KIAA1217: variants seen among roughly 807,000 people sequenced by gnomAD.
KIAA1217 encodes sickle tail protein homolog.
Under a neutral mutation model 163.9 loss-of-function variants are expected in KIAA1217, and 88 were observed. The ratio of observed to expected loss-of-function variants is 0.54; its 90% CI spans 0.45 to 0.64. The LOEUF is 0.64. Ranked by LOEUF, KIAA1217 falls within the 30% of genes least tolerant of loss-of-function variation. The pLI is 0.00. For missense variants in KIAA1217, 2,372 were observed against 2,475.0 expected (o/e 0.96, Z 0.88); for synonymous variants, 903 against 923.1 (o/e 0.98, Z 0.39).
chr10:24,017,328 G>A (rs1220753216), intron 2 of KIAA1217, among the ~76,000 whole-genome samples: 1 of 151,980 alleles, frequency 6.6e-6, no homozygotes, highest in East Asian at 1.9e-4. Flanking sequence ...CCAAAGTGCT[G>A]GGATTGCAGG....
intron 11 of KIAA1217, among the ~76,000 whole-genome samples, chr10:24,520,673 T>C (rs866627218): frequency 0.22 from 18,024 of 80,970 alleles, 2,254 homozygotes; most frequent in Middle Eastern, 0.3. Flanking sequence ...TATATATATA[T>C]ATACACACAC....
At chr10:24,342,435 T>C (rs2047205307) in intron 2 of KIAA1217, among the ~76,000 whole-genome samples, 1 of 152,192 alleles carries the variant, frequency 6.6e-6, no homozygotes, top group African/African-American at 2.4e-5. Context: ...AGCTTCTACC[T>C]TCAATTCTCA....
At chr10:24,308,977 G>A (rs2042309685) in intron 2 of KIAA1217, among the ~76,000 whole-genome samples, 2 of 151,990 alleles carry the variant, frequency 1.3e-5, no homozygotes, top group Admixed American at 1.3e-4. Flanking sequence ...TCAAAAATTA[G>A]CTAGGCATGG....
At chr10:23,855,916 A>T (rs979329029) in intron 1 of KIAA1217, among the ~76,000 whole-genome samples, 6 of 151,858 alleles carry the variant, frequency 4.0e-5, no homozygotes, top group African/African-American at 1.5e-4. Flanking sequence ...ATTTGTCTAA[A>T]TTTTTTTCAA....
chr10:23,909,395 A>G (rs1842329956), intron 1 of KIAA1217, among the ~76,000 whole-genome samples: 1 of 152,110 alleles, frequency 6.6e-6, no homozygotes, highest in Non-Finnish European at 1.5e-5. Flanking sequence ...TTAAAAAAAG[A>G]AAAACTAACT....
At chr10:24,059,654 T>C (rs2060646634) in intron 2 of KIAA1217, among the ~76,000 whole-genome samples, 1 of 152,146 alleles carries the variant, frequency 6.6e-6, no homozygotes. Context: ...CTTGGCTCAC[T>C]GCAAGCTCTG....
At chr10:23,727,594 T>A (rs185404582) in intron 1 of KIAA1217, among the ~76,000 whole-genome samples, 2 of 152,162 alleles carry the variant, frequency 1.3e-5, no homozygotes, top group South Asian at 2.1e-4. Flanking sequence ...ATGATGCACA[T>A]ACATAGTTAT....
At chr10:24,032,134 A>G (rs1215384296) in intron 2 of KIAA1217, among the ~76,000 whole-genome samples, 3 of 152,212 alleles carry the variant, frequency 2.0e-5, no homozygotes, top group Non-Finnish European at 4.4e-5. Flanking sequence ...TGAATGCTTT[A>G]TAATAACTAA....
chr10:24,471,328 G>T (rs1306294442), intron 5 of KIAA1217, among the ~76,000 whole-genome samples: 2 of 151,918 alleles, frequency 1.3e-5, no homozygotes, highest in Admixed American at 6.6e-5. Flanking sequence ...GGGACTGTGG[G>T]CTCCTGTGAC....
chr10:24,148,876 C>G (rs2064467628), intron 2 of KIAA1217, among the ~76,000 whole-genome samples: 1 of 152,168 alleles, frequency 6.6e-6, no homozygotes, highest in South Asian at 2.1e-4. Context: ...ATATATGTTT[C>G]TGTTTCTATA....
rs1474032714 is a variant in KIAA1217 at position 24,545,857 on chromosome 10, G to T, written c.5365G>T (p.Asp1789Tyr). 1 of 1,605,056 alleles carries T rather than the reference G, an allele frequency of 6.2e-7. No individual in the cohort carries two copies. Among genetic ancestry groups the T allele is most frequent in the South Asian group, 1.1e-5 (1 of 89,168 alleles). ...ANGSAKKSGGDFKPTSPSLPA... is the reference protein window; with the variant it reads ...ANGSAKKSGGYFKPTSPSLPA... ...TGGAAGTGCTAAGAAATCTGGTGGG[G>T]ACTTTAAGCCTACTTCCCCCTCCTT... is the stretch of plus-strand genomic sequence containing the variant. The change falls in exon 21 of 21, where the codon GAC becomes TAC. Residue 1789 changes from aspartate to tyrosine, a missense_variant. Asp to Tyr is a radical substitution (Grantham distance 160). This residue lies in a region of KIAA1217 where 690 missense variants were observed against 677.5 expected (regional missense o/e 1.02). Coordinates refer to ENST00000376454, the MANE Select transcript of KIAA1217 (RefSeq NM_019590.5).
At chr10:23,853,799 C>T (rs777581818) in intron 1 of KIAA1217, among the ~76,000 whole-genome samples, 33 of 152,058 alleles carry the variant, frequency 2.2e-4, no homozygotes, top group Admixed American at 2.1e-3. Context: ...AGTTTATTTG[C>T]GTAGAGGTGT....
intron 1 of KIAA1217, among the ~76,000 whole-genome samples, chr10:23,763,040 G>A (rs1834340981): frequency 6.6e-6 from 1 of 152,020 alleles, no homozygotes; most frequent in African/African-American, 2.4e-5. Context: ...AAAATACCTA[G>A]GAATACAGCT....
chr10:23,841,825 GACTTTATTTTATTTT>G (rs1317877398), intron 1 of KIAA1217, among the ~76,000 whole-genome samples: 1 of 141,934 alleles, frequency 7.0e-6, no homozygotes, highest in African/African-American at 2.7e-5. Flanking sequence ...ACACCATTGG[GACTTTATTTTATTTT>G]ATTTTATTTT....
chr10:23,771,204 T>C (rs929806003), intron 1 of KIAA1217, among the ~76,000 whole-genome samples: 1 of 152,198 alleles, frequency 6.6e-6, no homozygotes, highest in African/African-American at 2.4e-5. Flanking sequence ...AGCTCTCTTC[T>C]AATACAAATT....
chr10:23,974,134 T>C (rs1269797425), intron 1 of KIAA1217, among the ~76,000 whole-genome samples: 1 of 152,228 alleles, frequency 6.6e-6, no homozygotes, highest in Non-Finnish European at 1.5e-5. Context: ...ACCTCATTAC[T>C]AATGCTGCAT....
intron 2 of KIAA1217, among the ~76,000 whole-genome samples, chr10:24,095,066 C>T (rs2062097315): frequency 6.6e-6 from 1 of 152,180 alleles, no homozygotes; most frequent in African/African-American, 2.4e-5. Context: ...TTCTGATGCG[C>T]CGTTTCCTAA....
In KIAA1217 at chr10:23,731,177, C is replaced by A. The variant is rs148966601; in HGVS notation, c.-321+35943C>A. On this transcript the variant is annotated intron_variant, in intron 1 of 18. Coordinates refer to the KIAA1217 transcript ENST00000376462. The stretch of plus-strand genomic sequence containing the variant: ...AGGAATCATAGCCTCTGGCCAGAAG[C>A]CAGAAATAGATACTTTGAGGGAGGG... Among the ~76,000 whole-genome samples, 1,331 of 151,950 alleles carry A rather than the reference C, an allele frequency of 8.8e-3. 18 individuals are homozygous for A. The highest frequency in any genetic ancestry group is 0.031 in the African/African-American group (1,264 of 41,388).
chr10:24,402,528 C>CA (rs56323500), intron 3 of KIAA1217, among the ~76,000 whole-genome samples: 1,238 of 77,166 alleles, frequency 0.016, 24 homozygotes, highest in Non-Finnish European at 0.02. Flanking sequence ...AAAAACAAAA[C>CA]AAAAAAAAAA....
Sources: gnomAD v4.1 joint callset for allele counts (sites outside exome capture counted in the v4.1 genomes callset) on GRCh38, gnomAD v4.1.1 for gene constraint, gnomAD v4.1.1 regional missense constraint, MANE v1.5 for transcripts, NCBI Gene and HGNC (gene_info 2026-07-23, HGNC 2026-07-21) for gene names.